SSBP2: variants seen among roughly 807,000 people sequenced by gnomAD.
SSBP2 encodes the protein single stranded DNA binding protein 2.
In SSBP2, 17 loss-of-function variants were observed where a neutral mutation model predicts 61.8. That is an observed-to-expected ratio of 0.28 (90% CI 0.19 to 0.41). SSBP2 has a LOEUF of 0.41. Among genes scored for constraint, SSBP2 ranks in the 10% least tolerant of loss-of-function variants. The pLI is 1.00. For missense variants in SSBP2, 310 were observed against 458.7 expected, an observed-to-expected ratio of 0.68 and a Z score of 2.96; for synonymous variants, 139 against 141.3, an observed-to-expected ratio of 0.98 and a Z score of 0.12.
intron 4 of SSBP2, among the ~76,000 whole-genome samples, chr5:81,587,277 C>T (rs1022750696): frequency 1.2e-4 from 19 of 152,212 alleles, no homozygotes; most frequent in Admixed American, 1.2e-3. Context: ...TACAAGTAAA[C>T]TAGTATGAGT....
chr5:81,647,161 A>G (rs1474616037), intron 2 of SSBP2, among the ~76,000 whole-genome samples: 4 of 152,122 alleles, frequency 2.6e-5, no homozygotes. Context: ...TAACTGTACA[A>G]ATAATATATG....
intron 1 of SSBP2, among the ~76,000 whole-genome samples, chr5:81,660,504 A>G (rs1050043090): frequency 3.9e-5 from 6 of 152,232 alleles, no homozygotes; most frequent in South Asian, 2.1e-4. Context: ...ACATCAGGAA[A>G]CAACAGATGC....
chr5:81,705,548 A>C (rs1186413581), intron 1 of SSBP2, among the ~76,000 whole-genome samples: 1 of 152,162 alleles, frequency 6.6e-6, no homozygotes, highest in Non-Finnish European at 1.5e-5. Context: ...AGCCATAAAC[A>C]CACCAAGCCA....
At chr5:81,478,106 CTAAT>C (rs1266507509) in intron 6 of SSBP2, among the ~76,000 whole-genome samples, 1 of 152,062 alleles carries the variant, frequency 6.6e-6, no homozygotes, top group African/African-American at 2.4e-5. Flanking sequence ...AAATGTATGA[CTAAT>C]TGATATTATA....
At chr5:81,461,681 G>A (rs557368364) in intron 9 of SSBP2, among the ~76,000 whole-genome samples, 2 of 152,054 alleles carry the variant, frequency 1.3e-5, no homozygotes, top group Non-Finnish European at 2.9e-5. Flanking sequence ...TATTAAATGA[G>A]AAATCCCATT....
chr5:81,448,756 A>G (rs1763570727), intron 11 of SSBP2, 34 bp downstream of exon 11: 4 of 1,597,812 alleles, frequency 2.5e-6, no homozygotes, highest in Non-Finnish European at 2.6e-6. Context: ...TGTAACATCA[A>G]TTCTTATAAG....
intron 4 of SSBP2, among the ~76,000 whole-genome samples, chr5:81,592,082 T>C (rs375840241): frequency 1.3e-5 from 2 of 152,188 alleles, no homozygotes; most frequent in Non-Finnish European, 2.9e-5. Flanking sequence ...TTCCCTTTCC[T>C]AGTCAAAGAA....
At chr5:81,590,851 C>A (rs779377320) in intron 4 of SSBP2, among the ~76,000 whole-genome samples, 3 of 152,164 alleles carry the variant, frequency 2.0e-5, no homozygotes, top group Non-Finnish European at 4.4e-5. Context: ...AGTAGAATAA[C>A]CTCCAGCCCT....
chr5:81,584,889 G>C (rs1403305484), intron 4 of SSBP2, among the ~76,000 whole-genome samples: 3 of 151,950 alleles, frequency 2.0e-5, no homozygotes, highest in Admixed American at 1.3e-4. Context: ...CTTCCATATA[G>C]CATATAATGC....
At chr5:81,551,039 C>T (rs759409885) in intron 4 of SSBP2, among the ~76,000 whole-genome samples, 6 of 140,568 alleles carry the variant, frequency 4.3e-5, no homozygotes, top group South Asian at 2.2e-4. Context: ...GATCTTGCAG[C>T]GAGCGGAGAT....
intron 11 of SSBP2, 80 bp from the exon 12 acceptor site, chr5:81,447,002 T>C: frequency 1.0e-6 from 1 of 992,758 alleles, no homozygotes. Context: ...TCTATAATAA[T>C]CCAATTTGAA....
At chr5:81,556,690 T>C (rs1039935129) in intron 4 of SSBP2, among the ~76,000 whole-genome samples, 1 of 152,122 alleles carries the variant, frequency 6.6e-6, no homozygotes, top group African/African-American at 2.4e-5. Context: ...TTTCATCCCT[T>C]GCCTTGCTTA....
At chr5:81,484,479 G>C (rs893200646) in intron 6 of SSBP2, among the ~76,000 whole-genome samples, 5 of 151,812 alleles carry the variant, frequency 3.3e-5, no homozygotes, top group Admixed American at 6.6e-5. Flanking sequence ...ATATATCTCA[G>C]GATAAACTCA....
intron 1 of SSBP2, among the ~76,000 whole-genome samples, chr5:81,715,966 G>A (rs1755139299): frequency 6.6e-6 from 1 of 152,006 alleles, no homozygotes; most frequent in Non-Finnish European, 1.5e-5. Context: ...GCTGAGGCGG[G>A]AAGATCACTG....
intron 4 of SSBP2, among the ~76,000 whole-genome samples, chr5:81,610,892 G>T (rs1745374349): frequency 6.6e-6 from 1 of 152,192 alleles, no homozygotes; most frequent in Admixed American, 6.5e-5. Context: ...TACTTGGGAG[G>T]CTAAGGCAGG....
At chr5:81,423,923 C>T (rs911418637) in intron 16 of SSBP2, among the ~76,000 whole-genome samples, 3 of 152,154 alleles carry the variant, frequency 2.0e-5, no homozygotes, top group African/African-American at 7.2e-5. Context: ...CATCTCAACA[C>T]TGGCAACTGT....
chr5:81,497,346 T>C (rs1767365950), intron 5 of SSBP2, among the ~76,000 whole-genome samples: 2 of 152,172 alleles, frequency 1.3e-5, no homozygotes, highest in Non-Finnish European at 2.9e-5. Context: ...GAAGACAGAA[T>C]GTATGAAGCA....
chr5:81,628,062 G>GA lies in SSBP2; in HGVS notation c.197+8494dup, dbSNP rs201391861. 3.6e-3 allele frequency among the ~76,000 whole-genome samples: 473 copies of GA among 129,686 alleles called. 5 individuals are homozygous for GA. The highest frequency in any genetic ancestry group is 0.012 in the African/African-American group (418 of 35,262). 85.1% of individuals were successfully genotyped at this position (129,686 alleles called of 152,430 possible). A position where few individuals can be genotyped will look rare whatever the true frequency, so the allele number is the denominator to read the frequency against. ...CCTGGGTGACCCTGTCTCAAAAAAA[G>GA]AAAAAAAAAAAAGGTGTACTTGTCT... On this transcript the variant is annotated intron_variant, in intron 3 of 16. Transcript: ENST00000320672.
chr5:81,455,237 G>C (rs1384506798), intron 10 of SSBP2, among the ~76,000 whole-genome samples: 1 of 151,908 alleles, frequency 6.6e-6, no homozygotes, highest in African/African-American at 2.4e-5. Context: ...TGTGATCCTA[G>C]CTCAGTTGTG....
Sources: allele counts gnomAD v4.1 joint callset (sites outside exome capture counted in the v4.1 genomes callset), GRCh38; gene constraint gnomAD v4.1.1; transcripts MANE v1.5; gene names NCBI Gene and HGNC (gene_info 2026-07-23, HGNC 2026-07-21).